Variants in MEIOB observed in about 807,000 individuals in gnomAD.
MEIOB encodes meiosis-specific with OB domain-containing protein.
Under a neutral mutation model 53.1 loss-of-function variants are expected in MEIOB, and 50 were observed. That is an observed-to-expected ratio of 0.94 (90% CI 0.75 to 1.19). The LOEUF (loss-of-function observed/expected upper bound fraction) is 1.19. Ranked by LOEUF, MEIOB falls within the 50% of genes most tolerant of loss-of-function variation. MEIOB has a pLI of 0.00. For missense variants in MEIOB, 551 were observed against 550.8 expected (o/e 1.00, Z 0.00); for synonymous variants, 192 against 182.5 (o/e 1.05, Z -0.42).
At chr16:1,840,650 G>A (rs893883536) in intron 11 of MEIOB, among the ~76,000 whole-genome samples, 2 of 151,712 alleles carry the variant, frequency 1.3e-5, no homozygotes, top group Admixed American at 6.6e-5. Context: ...CCAGGTCCAC[G>A]CCATTCTCCT....
chr16:1,837,657 C>A lies in MEIOB; in HGVS notation c.1305+127G>T, dbSNP rs900620323. 7.6e-6 allele frequency: 4 copies of A among 525,194 alleles called. No homozygotes were observed. The African/African-American group carries it at 7.7e-5, about 10-fold the overall frequency. The allele number at this position is 525,194 out of a possible 1,614,324, so 32.5% of individuals were successfully genotyped here. A position where few individuals can be genotyped will look rare whatever the true frequency, so the allele number is the denominator to read the frequency against. On this transcript the variant is annotated intron_variant, in intron 13 of 13. Transcript: ENST00000325962. Reference sequence around the variant, plus strand: ...CCTTTGCTTTTAGGATAGCTGAATCCTTATGCACATCTGGGAACTGGGCAT... The same window carrying A: ...CCTTTGCTTTTAGGATAGCTGAATCATTATGCACATCTGGGAACTGGGCAT...
intron 9 of MEIOB, among the ~76,000 whole-genome samples, chr16:1,847,091 A>T (rs1167216565): frequency 2.0e-5 from 3 of 151,872 alleles, no homozygotes; most frequent in African/African-American, 7.3e-5. Context: ...GGAGGCAGAG[A>T]CTGCAGTAAG....
intron 12 of MEIOB, 58 bp downstream of exon 12, chr16:1,839,197 T>G: frequency 1.4e-6 from 2 of 1,474,378 alleles, no homozygotes; most frequent in South Asian, 1.5e-5. Flanking sequence ...TATATTTTTT[T>G]GGGAAAAAGC....
intron 9 of MEIOB, among the ~76,000 whole-genome samples, chr16:1,851,640 G>C (rs1899175498): frequency 6.6e-6 from 1 of 150,424 alleles, no homozygotes; most frequent in South Asian, 2.1e-4. Flanking sequence ...CAACATCCAT[G>C]TGTTGGATGT....
chr16:1,852,850 C>T (rs1482033623), intron 9 of MEIOB, among the ~76,000 whole-genome samples, 189 bp downstream of exon 9: 1 of 152,226 alleles, frequency 6.6e-6, no homozygotes, highest in African/African-American at 2.4e-5. Context: ...GCCACCACGT[C>T]CGACCTCACA....
chr16:1,835,323 G>A (rs918606660), intron 13 of MEIOB, among the ~76,000 whole-genome samples: 1 of 152,020 alleles, frequency 6.6e-6, no homozygotes, highest in African/African-American at 2.4e-5. Flanking sequence ...ACTACCAACT[G>A]TGATAGACTT....
chr16:1,858,076 A>G (rs1899354342), intron 5 of MEIOB, 146 bp from the exon 6 acceptor site: 5 of 582,864 alleles, frequency 8.6e-6, no homozygotes, highest in Admixed American at 3.4e-5. Context: ...TGAATAATAC[A>G]GCAAAACATT....
chr16:1,859,098 C>T (rs936859357), intron 5 of MEIOB, among the ~76,000 whole-genome samples: 6 of 152,130 alleles, frequency 3.9e-5, no homozygotes, highest in African/African-American at 1.4e-4. Flanking sequence ...AAAGCCAGGG[C>T]AAAATCCCAG....
At chr16:1,867,997 T>A (rs1742444) in intron 2 of MEIOB, 110 bp downstream of exon 2, 2 of 606,304 alleles carry the variant, frequency 3.3e-6, no homozygotes, top group South Asian at 2.3e-5. Flanking sequence ...AATGAGTATC[T>A]ATATACTTGC....
chr16:1,851,137 C>G (rs986936146), intron 9 of MEIOB, among the ~76,000 whole-genome samples: 2 of 152,080 alleles, frequency 1.3e-5, no homozygotes, highest in Non-Finnish European at 2.9e-5. Context: ...AGCCTGCTAC[C>G]CCATCCAGAG....
chr16:1,855,397 A>G (rs984606625), intron 6 of MEIOB, among the ~76,000 whole-genome samples: 1 of 151,940 alleles, frequency 6.6e-6, no homozygotes, highest in Non-Finnish European at 1.5e-5. Context: ...ACGCCACTGC[A>G]CTCTGCACTC....
Position 1,861,559 on chromosome 16 carries a change from T to C in MEIOB, c.259+426A>G, listed in dbSNP as rs551511536. ...TCTTTTTTTTTTTTTTTTTTTTTTT[T>C]TGAGACAGGGTCTTACTCTGTGACT... On this transcript the variant is annotated intron_variant, in intron 4 of 13. Transcript: ENST00000325962. Among the ~76,000 whole-genome samples the C allele has an allele frequency of 5.1e-3, 751 of 148,302 alleles. 7 individuals are homozygous for C. The highest frequency in any genetic ancestry group is 0.018 in the African/African-American group (735 of 40,054).
intron 10 of MEIOB, among the ~76,000 whole-genome samples, chr16:1,842,453 T>TA (rs74460539): frequency 0.13 from 15,631 of 124,336 alleles, 1,050 homozygotes; most frequent in East Asian, 0.25. Context: ...TGTCTCTACT[T>TA]AAAAAAAAAA....
intron 1 of MEIOB, 45 bp from the exon 2 acceptor site, chr16:1,868,229 G>T: frequency 9.7e-7 from 1 of 1,030,680 alleles, no homozygotes; most frequent in South Asian, 1.5e-5. Context: ...TTGAATAAAT[G>T]AAATAAATCA....
At chr16:1,869,776 T>C (rs1286435217) in intron 1 of MEIOB, among the ~76,000 whole-genome samples, 1 of 151,604 alleles carries the variant, frequency 6.6e-6, no homozygotes, top group Non-Finnish European at 1.5e-5. Flanking sequence ...AGGATTTAAA[T>C]ATATATTAGC....
At chr16:1,865,740 T>G in intron 3 of MEIOB, 38 bp downstream of exon 3, 2 of 1,471,166 alleles carry the variant, frequency 1.4e-6, no homozygotes, top group Non-Finnish European at 1.8e-6. Context: ...AAGCCAAAGT[T>G]GATGAAAAAT....
intron 13 of MEIOB, among the ~76,000 whole-genome samples, chr16:1,835,862 CT>C (rs34146401): frequency 0.22 from 30,743 of 142,428 alleles, 2,804 homozygotes; most frequent in South Asian, 0.35. Flanking sequence ...ATTCCTTTTT[CT>C]TTTTTTTTTT....
chr16:1,865,520 T>C (rs1200833772), intron 3 of MEIOB, among the ~76,000 whole-genome samples: 3 of 47,806 alleles, frequency 6.3e-5, no homozygotes, highest in Admixed American at 2.0e-4. Context: ...TGCACACACA[T>C]ACACACGTGT....
intron 11 of MEIOB, chr16:1,841,070 G>A (rs1898896164): frequency 7.1e-6 from 1 of 140,560 alleles, no homozygotes; most frequent in South Asian, 2.2e-4. Context: ...AGGCTGGAGT[G>A]CAATGGTGCA....
Sources: gnomAD v4.1 joint callset for allele counts (sites outside exome capture counted in the v4.1 genomes callset) on GRCh38, gnomAD v4.1.1 for gene constraint, MANE v1.5 for transcripts, NCBI Gene and HGNC (gene_info 2026-07-23, HGNC 2026-07-21) for gene names.